The following WLS variants were observed in gnomAD, a reference collection of about 807,000 sequenced individuals.
The protein encoded by WLS is Wnt ligand secretion mediator.
Under a neutral mutation model 62.8 loss-of-function variants are expected in WLS, and 23 were observed. The ratio of observed to expected loss-of-function variants is 0.37; its 90% CI spans 0.26 to 0.52. The LOEUF (loss-of-function observed/expected upper bound fraction) is 0.52. WLS is among the 20% of genes least tolerant of loss of function. The probability of loss-of-function intolerance (pLI) is 0.92; values close to 1 mark genes in which losing one functional copy is unlikely to be tolerated. For missense variants in WLS, 615 were observed against 697.3 expected, an observed-to-expected ratio of 0.88 and a Z score of 1.33; for synonymous variants, 246 against 244.1, an observed-to-expected ratio of 1.01 and a Z score of -0.07.
chr1:68,130,416 G>A (rs1193949273), intron 11 of WLS, among the ~76,000 whole-genome samples: 1 of 152,144 alleles, frequency 6.6e-6, no homozygotes, highest in East Asian at 1.9e-4. Context: ...CATACACAAT[G>A]TGTGCCGGAG....
At chr1:68,138,574 T>G (rs895370631) in intron 10 of WLS, 1 of 152,224 alleles carries the variant, frequency 6.6e-6, no homozygotes, top group South Asian at 2.1e-4. Flanking sequence ...AGTAAGCCAC[T>G]CATGAAAATA....
chr1:68,125,540 C>T lies in WLS; in HGVS notation c.*686G>A, dbSNP rs1646416939. On this transcript the variant is annotated 3_prime_UTR_variant, in exon 12 of 12. Coordinates refer to ENST00000262348, the MANE Select transcript of WLS (RefSeq NM_024911.7). ...AGGCCATTTAATACAGTAAATCTTACTTGGGTAGTTTAGCAAACATTTTTT... is the reference window on the plus strand; with the variant it reads ...AGGCCATTTAATACAGTAAATCTTATTTGGGTAGTTTAGCAAACATTTTTT... 3 of 985,308 alleles carry T rather than the reference C, an allele frequency of 3.0e-6. No individual in the cohort carries two copies. Among genetic ancestry groups the T allele is most frequent in the South Asian group, 9.4e-5 (2 of 21,294 alleles). The allele number at this position is 985,308 out of a possible 1,614,324, so 61.0% of individuals were successfully genotyped here.
At chr1:68,099,421 A>G (rs1241540003) in intron 11 of WLS, among the ~76,000 whole-genome samples, 1 of 152,180 alleles carries the variant, frequency 6.6e-6, no homozygotes, top group Non-Finnish European at 1.5e-5. Context: ...GTCAATTTAA[A>G]GAGGAATACT....
intron 2 of WLS, among the ~76,000 whole-genome samples, chr1:68,183,106 G>A (rs1371966447): frequency 1.3e-5 from 2 of 152,028 alleles, no homozygotes; most frequent in Non-Finnish European, 2.9e-5. Context: ...TGGTCAGGCT[G>A]GTCTTGAACT....
intron 11 of WLS, among the ~76,000 whole-genome samples, chr1:68,107,691 G>A (rs894881166): frequency 1.3e-5 from 2 of 152,130 alleles, no homozygotes; most frequent in African/African-American, 4.8e-5. Flanking sequence ...ACTTTCCTGC[G>A]TTTTACGTGC....
chr1:68,158,974 G>C (rs1291825297), intron 3 of WLS, 149 bp downstream of exon 3: 46 of 1,019,652 alleles, frequency 4.5e-5, no homozygotes, highest in Non-Finnish European at 4.2e-6. Context: ...CGTGGCAGGA[G>C]AGAAGAGGAA....
At position 68,183,557 on chromosome 1, in the gene WLS, G is replaced by A. The variant is rs760223852; in HGVS notation, c.379+10398C>T. On this transcript the variant is annotated intron_variant, in intron 2 of 11. Transcript: ENST00000262348. Reference sequence around the variant, plus strand: ...GTTGAAGGCCAAAAATTAGTTCCCAGAAGGATTCTTTGACTTTCATCCTTC... The same window carrying A: ...GTTGAAGGCCAAAAATTAGTTCCCAAAAGGATTCTTTGACTTTCATCCTTC... 3.0e-5 allele frequency: 16 copies of A among 533,176 alleles called. No individual in the cohort carries two copies. In the Admixed American group the frequency reaches 3.1e-4, roughly 10 times the overall value. 33.0% of individuals were successfully genotyped at this position (533,176 alleles called of 1,614,324 possible).
chr1:68,189,419 TATTA>T (rs1394063360), intron 2 of WLS, among the ~76,000 whole-genome samples: 12 of 152,334 alleles, frequency 7.9e-5, no homozygotes, highest in African/African-American at 2.9e-4. Context: ...TTTCTTTCAT[TATTA>T]ATTATTGTTG....
intron 1 of WLS, among the ~76,000 whole-genome samples, chr1:68,224,744 G>A (rs1051453651): frequency 6.6e-6 from 1 of 152,144 alleles, no homozygotes; most frequent in Non-Finnish European, 1.5e-5. Flanking sequence ...TGAGTGCATG[G>A]TTTGGGGAAG....
Position 68,125,361 on chromosome 1 carries a change from G to T in WLS, c.*865C>A. The T allele has an allele frequency of 1.0e-6, 1 of 985,434 alleles. No individual in the cohort carries two copies. The highest frequency in any genetic ancestry group is 1.2e-6 in the Non-Finnish European group (1 of 829,934). The allele number at this position is 985,434 out of a possible 1,614,324, so 61.0% of individuals were successfully genotyped here. On this transcript the variant is annotated 3_prime_UTR_variant, in exon 12 of 12. Transcript: ENST00000262348. Reference sequence around the variant, plus strand: ...GAAAATAATCTGCACGCATGTGTATGAGTTTTAGCAGGAGGGGATATGCAT... The same window carrying T: ...GAAAATAATCTGCACGCATGTGTATTAGTTTTAGCAGGAGGGGATATGCAT...
chr1:68,146,255 C>T (rs1024342782), intron 8 of WLS, among the ~76,000 whole-genome samples: 5 of 152,162 alleles, frequency 3.3e-5, no homozygotes, highest in African/African-American at 1.2e-4. Flanking sequence ...GAAATGGTGT[C>T]TTGCTTGTTA....
At chr1:68,128,267 A>G (rs1466122154) in intron 11 of WLS, among the ~76,000 whole-genome samples, 1 of 152,218 alleles carries the variant, frequency 6.6e-6, no homozygotes, top group African/African-American at 2.4e-5. Flanking sequence ...TTGTACAGTG[A>G]GCAACTACTC....
At chr1:68,119,244 T>C (rs1161894641) in intron 11 of WLS, among the ~76,000 whole-genome samples, 5 of 152,016 alleles carry the variant, frequency 3.3e-5, no homozygotes, top group Non-Finnish European at 1.5e-5. Context: ...CTATGTATAA[T>C]ACAATCTTAA....
At chr1:68,172,983 C>A (rs746402438) in intron 2 of WLS, among the ~76,000 whole-genome samples, 1 of 152,078 alleles carries the variant, frequency 6.6e-6, no homozygotes, top group Non-Finnish European at 1.5e-5. Flanking sequence ...GGCAGCTGTG[C>A]GGAAGACGGA....
intron 10 of WLS, among the ~76,000 whole-genome samples, chr1:68,141,195 A>C (rs1646681143): frequency 1.3e-5 from 2 of 152,188 alleles, no homozygotes; most frequent in Non-Finnish European, 1.5e-5. Context: ...CAAATCCCAG[A>C]CACAGGCTCT....
intron 11 of WLS, among the ~76,000 whole-genome samples, chr1:68,110,007 T>TAAAAAAAAAAAAAAAAAAAAA (rs11290966): frequency 6.7e-4 from 19 of 28,406 alleles, no homozygotes; most frequent in South Asian, 1.4e-3. Flanking sequence ...ACACAAAAAG[T>TAAAAAAAAAAAAAAAAAAAAA]AAAAAAAAAA....
chr1:68,201,138 CAT>C (rs1262365536), intron 1 of WLS, among the ~76,000 whole-genome samples: 2 of 152,166 alleles, frequency 1.3e-5, no homozygotes, highest in Non-Finnish European at 2.9e-5. Flanking sequence ...TAAAAGGAAA[CAT>C]GTGAAATATA....
chr1:68,208,954 T>G (rs1649396072), intron 1 of WLS, among the ~76,000 whole-genome samples: 1 of 152,200 alleles, frequency 6.6e-6, no homozygotes, highest in African/African-American at 2.4e-5. Flanking sequence ...ACCAATTTCC[T>G]CTTATTATTC....
chr1:68,155,264 G>A lies in WLS; in HGVS notation c.505-4C>T, dbSNP rs1553128974. Reference sequence around the variant, plus strand: ...AACGGCCCTCATGCTCTGGAGTCTGGAAAAAGAGCAGAGGGTTTGAGGCAG... The same window carrying A: ...AACGGCCCTCATGCTCTGGAGTCTGAAAAAAGAGCAGAGGGTTTGAGGCAG... On this transcript the variant is annotated splice_region_variant and splice_polypyrimidine_tract_variant and intron_variant, in intron 3 of 11. Coordinates refer to ENST00000262348, the MANE Select transcript of WLS (RefSeq NM_024911.7). The A allele has an allele frequency of 6.8e-6, 11 of 1,606,692 alleles. No individual in the cohort carries two copies. The South Asian group carries it at 1.2e-4, about 18-fold the overall frequency.
Sources: allele counts gnomAD v4.1 joint callset (sites outside exome capture counted in the v4.1 genomes callset), GRCh38; gene constraint gnomAD v4.1.1; transcripts MANE v1.5; gene names NCBI Gene and HGNC (gene_info 2026-07-23, HGNC 2026-07-21).